Variants in TTC17 observed in about 807,000 individuals in gnomAD.
The protein encoded by TTC17 is tetratricopeptide repeat protein 17.
In TTC17, 58 loss-of-function variants were observed where a neutral mutation model predicts 143.8. The ratio of observed to expected loss-of-function variants is 0.40; its 90% confidence interval spans 0.33 to 0.50. The LOEUF is 0.50. Among genes scored for constraint, TTC17 ranks in the 20% least tolerant of loss-of-function variants. The pLI is 0.49. For synonymous variants in TTC17, 501 were observed against 497.8 expected (o/e 1.01, Z -0.09); for missense variants, 1,273 against 1,392.5 (o/e 0.91, Z 1.37).
At chr11:43,380,569 C>G (rs1234628343) in intron 2 of TTC17, among the ~76,000 whole-genome samples, 1 of 152,218 alleles carries the variant, frequency 6.6e-6, no homozygotes, top group African/African-American at 2.4e-5. Context: ...GCTGGCATAC[C>G]TGTTAAGCCA....
At chr11:43,390,143 C>CA (rs1459402594) in intron 3 of TTC17, 165 of 168,998 alleles carry the variant, frequency 9.8e-4, no homozygotes, top group East Asian at 1.6e-3. Flanking sequence ...CCCATCTCTA[C>CA]AAAAAAAAAT....
At chr11:43,384,144 CAAAA>C (rs11299211) in intron 2 of TTC17, among the ~76,000 whole-genome samples, 1 of 139,234 alleles carries the variant, frequency 7.2e-6, no homozygotes, top group Non-Finnish European at 1.6e-5. Flanking sequence ...GACCCTGTCT[CAAAA>C]AAAAAAAAAG....
At chr11:43,487,417 A>T (rs1278115660) in intron 21 of TTC17, among the ~76,000 whole-genome samples, 1 of 152,198 alleles carries the variant, frequency 6.6e-6, no homozygotes, top group Admixed American at 6.5e-5. Context: ...AAGTGGTGAG[A>T]TTACAGGTGT....
intron 21 of TTC17, among the ~76,000 whole-genome samples, chr11:43,486,010 G>A (rs186094598): frequency 9.3e-5 from 14 of 150,872 alleles, no homozygotes; most frequent in Non-Finnish European, 2.1e-4. Context: ...TACAGAAAAT[G>A]GATAAATACC....
intron 1 of TTC17, 133 bp downstream of exon 1, chr11:43,359,246 C>G (rs1366027897): frequency 8.8e-7 from 1 of 1,131,022 alleles, no homozygotes; most frequent in African/African-American, 1.7e-5. Flanking sequence ...GCACCGCGAC[C>G]TCGGACTCCC....
chr11:43,391,378 A>T (rs1450647434), intron 3 of TTC17, 87 bp from the exon 4 acceptor site: 27 of 899,938 alleles, frequency 3.0e-5, no homozygotes. Flanking sequence ...CAGCCTGGGC[A>T]ACAGAATGAG....
intron 21 of TTC17, among the ~76,000 whole-genome samples, chr11:43,485,478 A>G (rs931068575): frequency 3.3e-5 from 5 of 152,210 alleles, no homozygotes; most frequent in African/African-American, 1.2e-4. Flanking sequence ...CAAAATAACT[A>G]TAAAAGAAAA....
At chr11:43,362,144 C>G (rs1856133679) in intron 1 of TTC17, among the ~76,000 whole-genome samples, 1 of 135,064 alleles carries the variant, frequency 7.4e-6, no homozygotes, top group Non-Finnish European at 1.6e-5. Flanking sequence ...CCACACCCGG[C>G]TAATTTGTGT....
intron 16 of TTC17, among the ~76,000 whole-genome samples, chr11:43,429,217 C>G (rs1169310723): frequency 7.9e-5 from 12 of 152,176 alleles, no homozygotes; most frequent in Admixed American, 7.9e-4. Context: ...GACAGTAGGA[C>G]AGTAGTTTGT....
chr11:43,392,078 A>T (rs891823527), intron 5 of TTC17, 126 bp downstream of exon 5: 5 of 1,127,996 alleles, frequency 4.4e-6, no homozygotes, highest in Non-Finnish European at 6.1e-6. Flanking sequence ...TTAAAATTAC[A>T]CTTACATTGA....
intron 16 of TTC17, among the ~76,000 whole-genome samples, chr11:43,420,382 C>G (rs1565156890): frequency 6.6e-6 from 1 of 152,176 alleles, no homozygotes; most frequent in Non-Finnish European, 1.5e-5. Flanking sequence ...TATGTCATCC[C>G]TCAAAAGAGA....
In TTC17 at chr11:43,406,115, G is replaced by C. The variant is rs181262148; in HGVS notation, c.1761+164G>C. Among the ~76,000 whole-genome samples, 191 of 152,290 alleles carry C rather than the reference G, an allele frequency of 1.3e-3. 1 individual carries two copies. The highest frequency in any genetic ancestry group is 4.3e-3 in the African/African-American group (177 of 41,564). The stretch of plus-strand genomic sequence containing the variant: ...GTGAAATGATGGCGAAGTCAGTCAT[G>C]CTATTAAAGGAGTGCCAGAGAGTTC... On this transcript the variant is annotated intron_variant, in intron 13 of 23. Coordinates refer to ENST00000039989, the MANE Select transcript of TTC17 (RefSeq NM_018259.6).
At chr11:43,434,167 GGACACACACACACA>G (rs1947225729) in intron 16 of TTC17, among the ~76,000 whole-genome samples, 1 of 124,560 alleles carries the variant, frequency 8.0e-6, no homozygotes, top group East Asian at 2.5e-4. Flanking sequence ...CCATGGGCGG[GGACACACACACACA>G]CACACACACA....
chr11:43,462,864 A>G (rs1251006873), intron 21 of TTC17, among the ~76,000 whole-genome samples: 1 of 151,902 alleles, frequency 6.6e-6, no homozygotes, highest in Non-Finnish European at 1.5e-5. Flanking sequence ...AAACACCACA[A>G]TTACAAACTG....
chr11:43,446,867 A>T (rs1947553796), intron 18 of TTC17: 1 of 182,952 alleles, frequency 5.5e-6, no homozygotes, highest in Non-Finnish European at 1.0e-5. Flanking sequence ...TAATAAACAG[A>T]GCTTTAAATT....
chr11:43,399,813 A>G (rs1014193578), intron 8 of TTC17, 75 bp from the exon 9 acceptor site: 1 of 1,455,136 alleles, frequency 6.9e-7, no homozygotes, highest in African/African-American at 1.4e-5. Context: ...AACCAGAAAA[A>G]TCTGTGCATT....
chr11:43,464,141 G>A (rs138868699), intron 21 of TTC17, among the ~76,000 whole-genome samples: 5 of 152,138 alleles, frequency 3.3e-5, no homozygotes, highest in East Asian at 1.9e-4. Context: ...TTAGCTGGGC[G>A]TGGTGGTGCA....
intron 3 of TTC17, 143 bp from the exon 4 acceptor site, chr11:43,391,322 C>T: frequency 1.7e-6 from 1 of 589,400 alleles, no homozygotes; most frequent in Non-Finnish European, 3.0e-6. Context: ...TCGCTTGAGA[C>T]TAGGAGATCA....
chr11:43,368,752 A>G (rs1482041143), intron 1 of TTC17, among the ~76,000 whole-genome samples: 1 of 152,230 alleles, frequency 6.6e-6, no homozygotes, highest in Non-Finnish European at 1.5e-5. Context: ...GAAAATCTTC[A>G]GTAGTTTCCC....
Sources: gnomAD v4.1 joint callset for allele counts (sites outside exome capture counted in the v4.1 genomes callset) on GRCh38, gnomAD v4.1.1 for gene constraint, MANE v1.5 for transcripts, NCBI Gene and HGNC (gene_info 2026-07-23, HGNC 2026-07-21) for gene names.